The following LOC122539214 variants were observed in gnomAD, a reference collection of about 807,000 sequenced individuals.
At chr19:52,655,741 C>T in the LOC122539214 span, 1 of 727,140 alleles carries the variant, frequency 1.4e-6, no homozygotes, top group Non-Finnish European at 2.4e-6. Context: ...ATTACCTTCA[C>T]ACAAAATGAG....
chr19:52,667,083 C>G, the LOC122539214 span, among the ~76,000 whole-genome samples: 1 of 152,202 alleles, frequency 6.6e-6, no homozygotes, highest in South Asian at 2.1e-4. Context: ...CCCAAACTTA[C>G]AACGTTTTCA....
chr19:52,688,594 T>C, the LOC122539214 span, among the ~76,000 whole-genome samples: 4 of 152,082 alleles, frequency 2.6e-5, no homozygotes, highest in South Asian at 8.3e-4. Flanking sequence ...TGTACCTCTC[T>C]CCTCTCCTGC....
chr19:52,686,661 C>T, the LOC122539214 span, among the ~76,000 whole-genome samples: 5 of 152,194 alleles, frequency 3.3e-5, no homozygotes, highest in South Asian at 8.3e-4. Flanking sequence ...GCAACCTCTA[C>T]CTCCCAGGTT....
chr19:52,683,152 G>A, the LOC122539214 span, among the ~76,000 whole-genome samples: 16 of 152,098 alleles, frequency 1.1e-4, no homozygotes, highest in African/African-American at 3.9e-4. Context: ...TTACAGGGGT[G>A]AGCCACCACA....
At chr19:52,651,045 A>G in the LOC122539214 span, 3 of 152,240 alleles carry the variant, frequency 2.0e-5, no homozygotes, top group South Asian at 6.2e-4. Flanking sequence ...GAGATGGGCT[A>G]CTTGAACTGT....
the LOC122539214 span, among the ~76,000 whole-genome samples, chr19:52,684,881 C>G: frequency 1.3e-5 from 2 of 152,170 alleles, no homozygotes; most frequent in Admixed American, 6.5e-5. Context: ...GCCCTGGACA[C>G]AGGGCTGTGG....
chr19:52,675,512 C>G, the LOC122539214 span, among the ~76,000 whole-genome samples: 3 of 152,082 alleles, frequency 2.0e-5, no homozygotes, highest in African/African-American at 7.3e-5. Flanking sequence ...ATACCCTGCA[C>G]ACACTGATTT....
chr19:52,673,611 T>C, the LOC122539214 span, among the ~76,000 whole-genome samples: 2 of 152,054 alleles, frequency 1.3e-5, no homozygotes, highest in African/African-American at 2.4e-5. Flanking sequence ...TCCCAAGTAA[T>C]CAAAAATGAG....
the LOC122539214 span, among the ~76,000 whole-genome samples, chr19:52,687,380 T>TAAA: frequency 5.3e-4 from 9 of 16,962 alleles, no homozygotes; most frequent in African/African-American, 4.5e-3. Flanking sequence ...TAAATTATAA[T>TAAA]TTATATATAT....
the LOC122539214 span, among the ~76,000 whole-genome samples, chr19:52,681,977 A>G: frequency 1.3e-5 from 2 of 152,074 alleles, no homozygotes; most frequent in African/African-American, 4.8e-5. Context: ...CCTCCCAAGT[A>G]GCTGGGATTA....
the LOC122539214 span, among the ~76,000 whole-genome samples, chr19:52,669,945 G>A: frequency 6.6e-6 from 1 of 152,192 alleles, no homozygotes; most frequent in Non-Finnish European, 1.5e-5. Context: ...TGAAGAGAAA[G>A]AGCTGTAAGG....
chr19:52,659,394 G>C, the LOC122539214 span, among the ~76,000 whole-genome samples: 1 of 152,034 alleles, frequency 6.6e-6, no homozygotes, highest in African/African-American at 2.4e-5. Context: ...GTTTCATCAC[G>C]GGACAATAGT....
chr19:52,683,373 C>T, the LOC122539214 span, among the ~76,000 whole-genome samples: 1 of 152,150 alleles, frequency 6.6e-6, no homozygotes, highest in South Asian at 2.1e-4. Context: ...CTGCAGTTCA[C>T]TGTGCTGTTT....
the LOC122539214 span, among the ~76,000 whole-genome samples, chr19:52,667,254 G>A: frequency 6.7e-6 from 1 of 148,712 alleles, no homozygotes; most frequent in Non-Finnish European, 1.5e-5. Flanking sequence ...GGAGGAAGGA[G>A]AATTTATGTA....
chr19:52,667,638 G>C, the LOC122539214 span, among the ~76,000 whole-genome samples: 2 of 152,162 alleles, frequency 1.3e-5, no homozygotes, highest in Admixed American at 6.5e-5. Flanking sequence ...AGGAAATTCT[G>C]TGTGTAAACA....
At chr19:52,684,600 T>C in the LOC122539214 span, among the ~76,000 whole-genome samples, 1 of 150,256 alleles carries the variant, frequency 6.7e-6, no homozygotes, top group Non-Finnish European at 1.5e-5. Flanking sequence ...ATATGATTGA[T>C]GCAGAGATAA....
chr19:52,684,717 G>A, the LOC122539214 span, among the ~76,000 whole-genome samples: 1 of 152,146 alleles, frequency 6.6e-6, no homozygotes, highest in Non-Finnish European at 1.5e-5. Flanking sequence ...AGGAGAAAGG[G>A]ACAATGCAGT....
the LOC122539214 span, among the ~76,000 whole-genome samples, chr19:52,659,808 T>G: frequency 4.6e-5 from 7 of 152,198 alleles, no homozygotes; most frequent in South Asian, 4.2e-4. Context: ...ATAATAAAAC[T>G]GTCAAAATTC....
chr19:52,662,502 C>T, the LOC122539214 span, among the ~76,000 whole-genome samples: 1 of 152,086 alleles, frequency 6.6e-6, no homozygotes, highest in African/African-American at 2.4e-5. Flanking sequence ...TGGACAGAGA[C>T]AAGGAGAGGT....
Sources: gnomAD v4.1 joint callset for allele counts (sites outside exome capture counted in the v4.1 genomes callset) on GRCh38, gnomAD v4.1.1 for gene constraint, MANE v1.5 for transcripts.